The following EP300 variants were observed in gnomAD, a reference collection of about 807,000 sequenced individuals.
The protein encoded by EP300 is EP300 lysine acetyltransferase, also known as histone acetyltransferase p300.
A neutral mutation model predicts 264.0 loss-of-function variants in EP300; 31 were observed. The observed-to-expected ratio is 0.12, with a 90% confidence interval of 0.09 to 0.16. EP300 has a LOEUF of 0.16. Ranked by LOEUF, EP300 falls within the 10% of genes least tolerant of loss-of-function variation. The pLI is 1.00. For synonymous variants in EP300, 1,340 were observed against 1,045.4 expected (o/e 1.28, Z -5.44); for missense variants, 2,766 against 3,052.9 (o/e 0.91, Z 2.21).
At chr22:41,125,070 C>A (rs1044789523) in intron 2 of EP300, among the ~76,000 whole-genome samples, 1 of 148,396 alleles carries the variant, frequency 6.7e-6, no homozygotes. Flanking sequence ...TCCTGAGTAG[C>A]TGGGACCACA....
Position 41,178,836 on chromosome 22 carries a change from G to A in EP300, c.7125G>A (p.Gln2375=). 1 of 1,614,178 alleles carries A rather than the reference G, an allele frequency of 6.2e-7. No individual in the cohort carries two copies. Among genetic ancestry groups the A allele is most frequent in the South Asian group, 1.1e-5 (1 of 91,088 alleles). The change falls in exon 31 of 31, where the codon CAG becomes CAA. Residue 2375 remains glutamine (Q), a synonymous_variant. Transcript: ENST00000263253. The part of the protein sequence containing the change: ...ASPDQNSMLS[Q]LASNPGMANL... ...CGGACCAGAATTCAATGCTTTCTCA[G>A]CTTGCTAGCAATCCAGGCATGGCAA...
intron 16 of EP300, among the ~76,000 whole-genome samples, chr22:41,153,012 T>C (rs1215392327): frequency 6.6e-6 from 1 of 152,150 alleles, no homozygotes; most frequent in Non-Finnish European, 1.5e-5. Context: ...CGCTTCGAGC[T>C]CCCAAAGTGC....
At chr22:41,146,165 A>T (rs1191921709) in intron 10 of EP300, among the ~76,000 whole-genome samples, 6 of 139,072 alleles carry the variant, frequency 4.3e-5, no homozygotes, top group Admixed American at 7.3e-5. Context: ...GATGGCCTCA[A>T]TTTTTTTTTT....
At chr22:41,124,284 C>T (rs2058868652) in intron 2 of EP300, among the ~76,000 whole-genome samples, 1 of 152,076 alleles carries the variant, frequency 6.6e-6, no homozygotes, top group Admixed American at 6.6e-5. Flanking sequence ...AGTCAAATGA[C>T]TTGAAGGGCC....
chr22:41,121,051 C>T (rs145258787), intron 2 of EP300, among the ~76,000 whole-genome samples: 117 of 152,290 alleles, frequency 7.7e-4, no homozygotes, highest in African/African-American at 2.8e-3. Flanking sequence ...CATCTGTATT[C>T]CTACCGCTTT....
chr22:41,127,171 A>C (rs1193358685), intron 3 of EP300, among the ~76,000 whole-genome samples: 1 of 151,896 alleles, frequency 6.6e-6, no homozygotes, highest in Non-Finnish European at 1.5e-5. Flanking sequence ...TTTAAAACCT[A>C]ATTTGGGTGT....
At chr22:41,101,781 C>T (rs2024717) in intron 1 of EP300, among the ~76,000 whole-genome samples, 79,222 of 151,878 alleles carry the variant, frequency 0.52, 23,332 homozygotes, top group Admixed American at 0.72. Flanking sequence ...AGTTATCCTC[C>T]TGCTTCGGCC....
intron 18 of EP300, among the ~76,000 whole-genome samples, chr22:41,157,780 CAA>C (rs1167503821): frequency 6.6e-6 from 1 of 152,138 alleles, no homozygotes; most frequent in Non-Finnish European, 1.5e-5. Flanking sequence ...CTCGGCCTCC[CAA>C]AGTGCTGGAA....
intron 1 of EP300, among the ~76,000 whole-genome samples, chr22:41,106,551 C>G (rs9619939): frequency 0.028 from 4,283 of 152,254 alleles, 190 homozygotes; most frequent in African/African-American, 0.099. Flanking sequence ...TGTCAAGCTC[C>G]TACTCATCCT....
chr22:41,122,011 T>C (rs1266306425), intron 2 of EP300, among the ~76,000 whole-genome samples: 1 of 152,096 alleles, frequency 6.6e-6, no homozygotes, highest in East Asian at 1.9e-4. Flanking sequence ...AAAAAAAACA[T>C]AGGTAGCAGC....
At chr22:41,164,875 C>T (rs932766596) in intron 22 of EP300, among the ~76,000 whole-genome samples, 2 of 152,090 alleles carry the variant, frequency 1.3e-5, no homozygotes, top group African/African-American at 4.8e-5. Context: ...AAGGGAGGGG[C>T]CATCGCTCTG....
chr22:41,143,880 C>T (rs945202733), intron 10 of EP300, among the ~76,000 whole-genome samples: 10 of 152,102 alleles, frequency 6.6e-5, no homozygotes, highest in African/African-American at 7.2e-5. Flanking sequence ...CACCTGGCCA[C>T]GTTTGATTTT....
At chr22:41,103,504 T>C (rs2058742668) in intron 1 of EP300, among the ~76,000 whole-genome samples, 1 of 152,172 alleles carries the variant, frequency 6.6e-6, no homozygotes, top group African/African-American at 2.4e-5. Flanking sequence ...GATGGGTTGC[T>C]TTTGACAGAG....
intron 23 of EP300, among the ~76,000 whole-genome samples, chr22:41,167,297 CCT>C (rs2059140085): frequency 6.6e-6 from 1 of 151,924 alleles, no homozygotes; most frequent in Non-Finnish European, 1.5e-5. Flanking sequence ...ATGCCCAACC[CCT>C]CAGTTCACAC....
rs1025056245 is a variant in EP300, at chr22:41,151,881, TCTA to T, written c.2870_2872del (p.Thr957del). The T allele has an allele frequency of 1.3e-5, 21 of 1,614,090 alleles. No individual in the cohort carries two copies. Among genetic ancestry groups the T allele is most frequent in the Non-Finnish European group, 1.8e-5 (21 of 1,180,024 alleles). ...TGAAGGACAGGTATCAAATCCTCCA[TCTA>T]CTAGTAGCACAGAAGTGAATTCTCA... is the stretch of plus-strand genomic sequence containing the variant. On this transcript the variant is annotated inframe_deletion, in exon 15 of 31. Coordinates refer to ENST00000263253, the MANE Select transcript of EP300 (RefSeq NM_001429.4).
intron 10 of EP300, among the ~76,000 whole-genome samples, chr22:41,145,073 G>T (rs893464407): frequency 6.6e-6 from 1 of 152,074 alleles, no homozygotes; most frequent in Non-Finnish European, 1.5e-5. Flanking sequence ...TAGCTGCTTG[G>T]CACTTGCCAT....
At position 41,168,587 on chromosome 22, in the gene EP300, G is replaced by C. The variant is rs2145762923; in HGVS notation, c.4013G>C (p.Gly1338Ala). 6.2e-7 allele frequency: 1 copy of C among 1,614,146 alleles called. No individual in the cohort carries two copies. The highest frequency in any genetic ancestry group is 8.5e-7 in the Non-Finnish European group (1 of 1,180,026). Residue 1338 changes from glycine to alanine, a missense_variant, in exon 24 of 31, where the codon GGC becomes GCC. Physicochemically the swap from Gly to Ala is moderately conservative, Grantham distance 60. Transcript: ENST00000263253. Reference protein sequence around the residue: ...ASDKTVEVKPGMKARFVDSGE... With the variant: ...ASDKTVEVKPAMKARFVDSGE... ...GACAAAACCGTGGAAGTAAAACCAG[G>C]CATGAAAGCAAGGTATCTAGTCATT... is the stretch of plus-strand genomic sequence containing the variant.
chr22:41,108,735 T>G (rs1002882927), intron 1 of EP300, among the ~76,000 whole-genome samples: 3 of 152,194 alleles, frequency 2.0e-5, no homozygotes, highest in African/African-American at 7.2e-5. Context: ...AAGGAACTTG[T>G]GAACAAACTA....
At chr22:41,100,713 G>T (rs1236145207) in intron 1 of EP300, among the ~76,000 whole-genome samples, 1 of 152,158 alleles carries the variant, frequency 6.6e-6, no homozygotes, top group Admixed American at 6.6e-5. Flanking sequence ...ATGGGTGGGT[G>T]TGTGTAGGTT....
Sources: allele counts gnomAD v4.1 joint callset (sites outside exome capture counted in the v4.1 genomes callset), GRCh38; gene constraint gnomAD v4.1.1; transcripts MANE v1.5; gene names NCBI Gene and HGNC (gene_info 2026-07-23, HGNC 2026-07-21).